Variants in PLAC8L1 observed in about 807,000 individuals in gnomAD.
PLAC8L1 encodes the protein PLAC8 like 1.
PLAC8L1 carries 13 observed loss-of-function variants against 16.3 expected under a neutral mutation model. The observed-to-expected ratio is 0.80, with a 90% CI of 0.52 to 1.27. The LOEUF (loss-of-function observed/expected upper bound fraction) is 1.27, where lower values mean the gene tolerates loss of function less well. Among genes scored for constraint, PLAC8L1 ranks in the 50% most tolerant of loss-of-function variants. The probability of loss-of-function intolerance (pLI) is 0.00; values close to 1 mark genes in which losing one functional copy is unlikely to be tolerated. For missense variants in PLAC8L1, 184 were observed against 220.2 expected, an observed-to-expected ratio of 0.84 and a Z score of 1.04; for synonymous variants, 78 against 79.3, an observed-to-expected ratio of 0.98 and a Z score of 0.09.
chr5:146,096,240 G>A (rs1054843322), intron 2 of PLAC8L1, among the ~76,000 whole-genome samples: 1 of 152,112 alleles, frequency 6.6e-6, no homozygotes, highest in Admixed American at 6.6e-5. Flanking sequence ...CTTCTCCTTT[G>A]TGTGTCTGTG....
At chr5:146,091,645 T>A (rs1253455641) in intron 2 of PLAC8L1, among the ~76,000 whole-genome samples, 6 of 150,760 alleles carry the variant, frequency 4.0e-5, no homozygotes, top group Admixed American at 6.6e-5. Flanking sequence ...AAAAAAAAAA[T>A]TAAAAAATTA....
chr5:146,105,410 C>G lies in PLAC8L1; in HGVS notation c.-1099G>C, dbSNP rs1285784015. Among the ~76,000 whole-genome samples the G allele has an allele frequency of 3.3e-5, 5 of 151,922 alleles. No homozygotes were observed. In the East Asian group the frequency reaches 7.7e-4, roughly 23 times the overall value. ...TTGTCTTCTTAACAGTAAGGATGTA[C>G]CCTACATTAAGGACAGGTATGTTTT... On this transcript the variant is annotated 5_prime_UTR_variant, in exon 1 of 4. Coordinates refer to ENST00000311450, the MANE Select transcript of PLAC8L1 (RefSeq NM_001029869.3).
intron 1 of PLAC8L1, among the ~76,000 whole-genome samples, chr5:146,101,758 C>A (rs1041349411): frequency 1.3e-5 from 2 of 152,184 alleles, no homozygotes; most frequent in African/African-American, 4.8e-5. Flanking sequence ...CAGAGGGTAG[C>A]CTAAAAGCTT....
intron 2 of PLAC8L1, among the ~76,000 whole-genome samples, chr5:146,085,959 T>C (rs1763503986): frequency 6.6e-6 from 1 of 150,884 alleles, no homozygotes; most frequent in Admixed American, 6.6e-5. Context: ...ATATTTAAAA[T>C]AAACATGGTA....
intron 2 of PLAC8L1, among the ~76,000 whole-genome samples, chr5:146,094,534 C>T (rs1295470451): frequency 6.6e-6 from 1 of 152,200 alleles, no homozygotes; most frequent in Non-Finnish European, 1.5e-5. Context: ...ACACCTTCCA[C>T]ATAAACCTTC....
chr5:146,089,885 C>T (rs779845511), intron 2 of PLAC8L1, among the ~76,000 whole-genome samples: 1 of 151,804 alleles, frequency 6.6e-6, no homozygotes, highest in Non-Finnish European at 1.5e-5. Flanking sequence ...AATACATGTG[C>T]CTGCCACCAT....
intron 1 of PLAC8L1, 93 bp from the exon 2 acceptor site, chr5:146,098,385 G>A (rs1763753245): frequency 1.5e-6 from 2 of 1,305,782 alleles, no homozygotes; most frequent in Admixed American, 2.3e-5. Flanking sequence ...AAGAGATAGG[G>A]ACCCAATGAT....
Position 146,104,608 on chromosome 5 carries a change from A to G in PLAC8L1, c.-297T>C, listed in dbSNP as rs1384361156. The G allele has an allele frequency of 3.8e-6, 1 of 264,546 alleles. No homozygotes were observed. The highest frequency in any genetic ancestry group is 7.2e-6 in the Non-Finnish European group (1 of 138,504). 16.4% of individuals were successfully genotyped at this position (264,546 alleles called of 1,614,324 possible). A position where few individuals can be genotyped will look rare whatever the true frequency, so the allele number is the denominator to read the frequency against. On this transcript the variant is annotated 5_prime_UTR_variant, in exon 1 of 4. Coordinates refer to ENST00000311450, the MANE Select transcript of PLAC8L1 (RefSeq NM_001029869.3). ...GGAAAACTCTTTAAGAGATGCCTCT[A>G]GTAAACATTTATCTAGCTAAGTGCC...
intron 2 of PLAC8L1, among the ~76,000 whole-genome samples, chr5:146,091,515 A>G (rs1232568349): frequency 6.6e-6 from 1 of 152,180 alleles, no homozygotes; most frequent in Non-Finnish European, 1.5e-5. Context: ...AATATAGAGA[A>G]AAAGATCAGG....
chr5:146,093,827 G>A (rs1260401498), intron 2 of PLAC8L1, among the ~76,000 whole-genome samples: 1 of 152,010 alleles, frequency 6.6e-6, no homozygotes, highest in Non-Finnish European at 1.5e-5. Context: ...CCTACCTTGG[G>A]TATCTACTAG....
At chr5:146,084,886 A>T (rs1012343566) in intron 3 of PLAC8L1, among the ~76,000 whole-genome samples, 7 of 152,198 alleles carry the variant, frequency 4.6e-5, no homozygotes. Flanking sequence ...TCTTTGGAGT[A>T]GGTAATAAGT....
At chr5:146,097,122 C>T (rs1177883758) in intron 2 of PLAC8L1, among the ~76,000 whole-genome samples, 1 of 152,202 alleles carries the variant, frequency 6.6e-6, no homozygotes, top group Non-Finnish European at 1.5e-5. Context: ...CCCAGAGAGA[C>T]TCTGTGATCC....
chr5:146,102,082 G>T (rs1165006907), intron 1 of PLAC8L1, among the ~76,000 whole-genome samples: 5 of 140,086 alleles, frequency 3.6e-5, no homozygotes, highest in African/African-American at 7.7e-5. Flanking sequence ...TTGAAACAGG[G>T]TCTTGCTCTG....
chr5:146,088,075 G>A lies in PLAC8L1; in HGVS notation c.257-2478C>T, dbSNP rs922670034. On this transcript the variant is annotated intron_variant, in intron 2 of 3. Transcript: ENST00000311450. The stretch of plus-strand genomic sequence containing the variant: ...TAATCCCAGGCCCCATCTCCAACAT[G>A]GGTGATTACAATCCTATGAGATTTG... Among the ~76,000 whole-genome samples, 8 of 152,138 alleles carry A rather than the reference G, an allele frequency of 5.3e-5. No individual in the cohort carries two copies. The East Asian group carries it at 1.5e-3, about 29-fold the overall frequency.
rs776740272 is a variant in PLAC8L1 at position 146,085,539 on chromosome 5, T to C, written c.315A>G (p.Gly105=). The change falls in exon 3 of 4, where the codon GGA becomes GGG. Residue 105 remains glycine, a synonymous_variant. Transcript: ENST00000311450. The part of the protein sequence containing the change: ...CLECDIARHY[G]ECLCWPLLPG... The stretch of plus-strand genomic sequence containing the variant: ...GTAACAACGGCCAACAAAGACACTC[T>C]CCATAATGCCTGGCGATGTCACACT... The C allele has an allele frequency of 1.9e-6, 3 of 1,613,988 alleles. No individual in the cohort carries two copies. The South Asian group carries it at 3.3e-5, about 18-fold the overall frequency.
intron 2 of PLAC8L1, among the ~76,000 whole-genome samples, chr5:146,089,798 G>A (rs564634356): frequency 6.6e-6 from 1 of 150,426 alleles, no homozygotes; most frequent in South Asian, 2.1e-4. Context: ...GAGTTCAATG[G>A]CACAATCTCA....
Position 146,098,238 on chromosome 5 carries a change from G to C in PLAC8L1, c.174C>G (p.Gly58=), listed in dbSNP as rs555423576. Residue 58 remains glycine, a synonymous_variant, in exon 2 of 4, where the codon GGC becomes GGG. Coordinates refer to ENST00000311450, the MANE Select transcript of PLAC8L1 (RefSeq NM_001029869.3). ...GGACAATTGCTGTGATTGTCGTCCTGCCACTGGCTCCCCGAACAGGCTGCT... is the reference window on the plus strand; with the variant it reads ...GGACAATTGCTGTGATTGTCGTCCTCCCACTGGCTCCCCGAACAGGCTGCT... ...VVKQPVRGAS[G]RTTITAIVQT... The C allele has an allele frequency of 6.2e-7, 1 of 1,614,138 alleles. No homozygotes were observed. The highest frequency in any genetic ancestry group is 1.1e-5 in the South Asian group (1 of 91,058).
chr5:146,097,456 A>G (rs1763736828), intron 2 of PLAC8L1, among the ~76,000 whole-genome samples: 1 of 152,246 alleles, frequency 6.6e-6, no homozygotes, highest in African/African-American at 2.4e-5. Flanking sequence ...TTAACCTCCC[A>G]TCTGGAGACA....
In PLAC8L1 at chr5:146,104,387, A is replaced by G; in HGVS notation, c.-76T>C. The G allele has an allele frequency of 8.9e-7, 1 of 1,126,852 alleles. No individual in the cohort carries two copies. Among genetic ancestry groups the G allele is most frequent in the South Asian group, 1.3e-5 (1 of 79,866 alleles). The allele number at this position is 1,126,852 out of a possible 1,614,324, so 69.8% of individuals were successfully genotyped here. A position where few individuals can be genotyped will look rare whatever the true frequency, so the allele number is the denominator to read the frequency against. On this transcript the variant is annotated 5_prime_UTR_variant, in exon 1 of 4. The change abolishes the stop of an existing upstream ORF in the 5' untranslated region. Coordinates refer to ENST00000311450, the MANE Select transcript of PLAC8L1 (RefSeq NM_001029869.3). ...TAAGCTGGTTTCTAAACTTCGGATTAGTCCAAAGTGAAACATCTCTTGAAA... is the reference window on the plus strand; with the variant it reads ...TAAGCTGGTTTCTAAACTTCGGATTGGTCCAAAGTGAAACATCTCTTGAAA...
Sources: allele counts gnomAD v4.1 joint callset (sites outside exome capture counted in the v4.1 genomes callset), GRCh38; gene constraint gnomAD v4.1.1; transcripts MANE v1.5; gene names NCBI Gene and HGNC (gene_info 2026-07-23, HGNC 2026-07-21).